USH1G: variants seen among roughly 807,000 people sequenced by gnomAD.
The protein encoded by USH1G is pre-mRNA splicing regulator USH1G.
In USH1G, 27 loss-of-function variants were observed where a neutral mutation model predicts 31.9. The observed-to-expected ratio is 0.85, with a 90% CI of 0.62 to 1.17. USH1G has a LOEUF of 1.17. USH1G is among the 50% of genes most tolerant of loss of function. The probability of loss-of-function intolerance (pLI) is 0.00; values close to 1 mark genes in which losing one functional copy is unlikely to be tolerated. For synonymous variants in USH1G, 266 were observed against 283.2 expected (o/e 0.94, Z 0.61); for missense variants, 674 against 638.9 (o/e 1.05, Z -0.59).
At position 74,923,246 on chromosome 17, in the gene USH1G, C is replaced by A. The variant is rs570755897; in HGVS notation, c.-173G>T. The A allele has an allele frequency of 7.0e-6, 2 of 285,230 alleles. No individual in the cohort carries two copies. Among genetic ancestry groups the A allele is most frequent in the Non-Finnish European group, 1.2e-5 (2 of 165,498 alleles). The allele number at this position is 285,230 out of a possible 1,614,324, so 17.7% of individuals were successfully genotyped here. ...TGCGGAGCGCCAGAGCCGCGACTAC[C>A]AAGACATCTGAAACGCTCACCCGGG... On this transcript the variant is annotated 5_prime_UTR_variant, in exon 1 of 3. Coordinates refer to ENST00000614341, the MANE Select transcript of USH1G (RefSeq NM_173477.5). The surrounding 1 kb of genome is among the most constrained non-coding windows in gnomAD (Gnocchi z 5.3).
chr17:74,920,687 T>C lies in USH1G; in HGVS notation c.165-16A>G. ...CGGGTCACCCCTGCAGGGAAAGCAT[T>C]CAGGAGGGACGAGTGACGAGTCCTG... On this transcript the variant is annotated splice_polypyrimidine_tract_variant and intron_variant, in intron 1 of 2. Coordinates refer to ENST00000614341, the MANE Select transcript of USH1G (RefSeq NM_173477.5). This position sits in a 1 kb window ranked among gnomAD's most constrained non-coding sequence, Gnocchi z 5.2. 1 of 1,613,058 alleles carries C rather than the reference T, an allele frequency of 6.2e-7. No individual in the cohort carries two copies. Among genetic ancestry groups the C allele is most frequent in the South Asian group, 1.1e-5 (1 of 91,076 alleles).
rs1225606285 is a variant in USH1G at position 74,916,379 on chromosome 17, A to C, written c.*1694T>G. The C allele has an allele frequency of 6.6e-6, 1 of 152,336 alleles. No individual in the cohort carries two copies. Among genetic ancestry groups the C allele is most frequent in the African/African-American group, 2.4e-5 (1 of 41,428 alleles). 9.4% of individuals were successfully genotyped at this position (152,336 alleles called of 1,614,324 possible). A position where few individuals can be genotyped will look rare whatever the true frequency, so the allele number is the denominator to read the frequency against. The stretch of plus-strand genomic sequence containing the variant: ...CAAGCCCTCAGTGTCCTGCAGTAGG[A>C]CAGGGACCATCTCCTCCATGCCCCC... On this transcript the variant is annotated 3_prime_UTR_variant, in exon 3 of 3. Transcript: ENST00000614341.
Position 74,919,254 on chromosome 17 carries a change from T to A in USH1G, c.1382+200A>T, listed in dbSNP as rs114183846. ...TTCACTGTGATAAGAATGCCTCGGGTCATCATTAAATTGGCCACTTCTTTT... is the reference window on the plus strand; with the variant it reads ...TTCACTGTGATAAGAATGCCTCGGGACATCATTAAATTGGCCACTTCTTTT... On this transcript the variant is annotated intron_variant, in intron 2 of 2. Coordinates refer to ENST00000614341, the MANE Select transcript of USH1G (RefSeq NM_173477.5). This position sits in a 1 kb window ranked among gnomAD's most constrained non-coding sequence, Gnocchi z 4.5. Among the ~76,000 whole-genome samples, 1,050 of 152,294 alleles carry A rather than the reference T, an allele frequency of 6.9e-3. 8 individuals are homozygous for A. Among genetic ancestry groups the A allele is most frequent in the African/African-American group, 0.024 (982 of 41,548 alleles).
rs2038892988 is a variant in USH1G, at chr17:74,918,566, C to T, written c.1383-490G>A. ...GCGCGGTGGCTCACGCCTGTAATCC[C>T]AGCACTTTGGGAGGCCAGAGTGGGC... On this transcript the variant is annotated intron_variant, in intron 2 of 2. Coordinates refer to ENST00000614341, the MANE Select transcript of USH1G (RefSeq NM_173477.5). This position sits in a 1 kb window ranked among gnomAD's most constrained non-coding sequence, Gnocchi z 4.1. Among the ~76,000 whole-genome samples the T allele has an allele frequency of 6.6e-6, 1 of 152,160 alleles. No homozygotes were observed. The highest frequency in any genetic ancestry group is 1.5e-5 in the Non-Finnish European group (1 of 68,036).
chr17:74,920,444 AGCTTGGGGTTGAG>A lies in USH1G; in HGVS notation c.379_391del (p.Leu127TrpfsTer5). 1.2e-6 allele frequency: 2 copies of A among 1,613,680 alleles called. No individual in the cohort carries two copies. The highest frequency in any genetic ancestry group is 8.5e-7 in the Non-Finnish European group (1 of 1,180,022). On this transcript the variant is annotated frameshift_variant, in exon 2 of 3. Transcript: ENST00000614341. LOFTEE classifies it high-confidence loss of function. The surrounding 1 kb of genome is among the most constrained non-coding windows in gnomAD (Gnocchi z 5.2). ...GGCCTTGTCCTTCAGCTTACCCACC[AGCTTGGGGTTGAG>A]GCTGCTCTGCTTGGCCGCGATGGAG...
At chr17:74,922,878 G>T in intron 1 of USH1G, 32 bp downstream of exon 1, 1 of 1,535,542 alleles carries the variant, frequency 6.5e-7, no homozygotes, top group South Asian at 1.2e-5. Flanking sequence ...TGGTCTCAGG[G>T]GCCTCAAGGG....
In USH1G at chr17:74,922,818, T is replaced by TG. The variant is rs2038961070; in HGVS notation, c.164+91dup. On this transcript the variant is annotated intron_variant, in intron 1 of 2. Transcript: ENST00000614341. The stretch of plus-strand genomic sequence containing the variant: ...GCCAGGGTCTAAGGGTCCGCCTGTC[T>TG]GCAGGGGAAGGAGGCAGCTCAGAGG... 2.1e-6 allele frequency: 3 copies of TG among 1,430,242 alleles called. No individual in the cohort carries two copies. The African/African-American group carries it at 4.3e-5, about 20-fold the overall frequency. 88.6% of individuals were successfully genotyped at this position (1,430,242 alleles called of 1,614,324 possible).
chr17:74,918,150 C>G lies in USH1G; in HGVS notation c.1383-74G>C. 1 of 1,597,966 alleles carries G rather than the reference C, an allele frequency of 6.3e-7. No homozygotes were observed. Among genetic ancestry groups the G allele is most frequent in the South Asian group, 1.1e-5 (1 of 89,188 alleles). On this transcript the variant is annotated intron_variant, in intron 2 of 2. Coordinates refer to ENST00000614341, the MANE Select transcript of USH1G (RefSeq NM_173477.5). This position sits in a 1 kb window ranked among gnomAD's most constrained non-coding sequence, Gnocchi z 4.1. ...GAGGCATCATTTTCACCCAGGGCAG[C>G]CATCTGGACAACTTAGCCTCCCCAT...
Position 74,920,096 on chromosome 17 carries a change from A to C in USH1G, c.740T>G (p.Leu247Arg). ...GAACATCACGTCGCTGCCCAGCTGC[A>C]GGCCCGAGAGCGAGCGGGCGCTCTT... ...GRKSARSLSG[L>R]QLGSDVMFVR... Residue 247 changes from leucine (L) to arginine (R), a missense_variant, in exon 2 of 3, where the codon CTG becomes CGG. Transcript: ENST00000614341. The surrounding 1 kb of genome is among the most constrained non-coding windows in gnomAD (Gnocchi z 5.2). The C allele has an allele frequency of 6.2e-7, 1 of 1,604,284 alleles. No individual in the cohort carries two copies. The highest frequency in any genetic ancestry group is 1.1e-5 in the South Asian group (1 of 91,038).
chr17:74,920,463 T>A lies in USH1G; in HGVS notation c.373A>T (p.Ser125Cys). The A allele has an allele frequency of 6.2e-7, 1 of 1,613,742 alleles. No homozygotes were observed. Among genetic ancestry groups the A allele is most frequent in the Non-Finnish European group, 8.5e-7 (1 of 1,180,030 alleles). ...RYLDSIAAKQ[S>C]SLNPKLVGKL... ...CCCACCAGCTTGGGGTTGAGGCTGC[T>A]CTGCTTGGCCGCGATGGAGTCCAGG... Residue 125 changes from serine (S) to cysteine (C), a missense_variant, in exon 2 of 3, where the codon AGC becomes TGC. Transcript: ENST00000614341. The surrounding 1 kb of genome is among the most constrained non-coding windows in gnomAD (Gnocchi z 5.2).
intron 1 of USH1G, among the ~76,000 whole-genome samples, chr17:74,922,556 G>A (rs2038956478): frequency 6.6e-6 from 1 of 151,990 alleles, no homozygotes. Context: ...CCCACTGCTG[G>A]CCCCTCGAGA....
At position 74,917,935 on chromosome 17, in the gene USH1G, C is replaced by T. The variant is rs1005613359; in HGVS notation, c.*138G>A. ...CCCTCAGCTTCAAGGTGCAGACAGA[C>T]TTTCAAAGGAGTCGCCCCAACTGGT... On this transcript the variant is annotated 3_prime_UTR_variant, in exon 3 of 3. Coordinates refer to ENST00000614341, the MANE Select transcript of USH1G (RefSeq NM_173477.5). The T allele has an allele frequency of 1.1e-5, 12 of 1,132,082 alleles. No homozygotes were observed. The highest frequency in any genetic ancestry group is 1.6e-5 in the Non-Finnish European group (12 of 762,734). 70.1% of individuals were successfully genotyped at this position (1,132,082 alleles called of 1,614,324 possible). A position where few individuals can be genotyped will look rare whatever the true frequency, so the allele number is the denominator to read the frequency against.
At position 74,923,240 on chromosome 17, in the gene USH1G, G is replaced by A; in HGVS notation, c.-167C>T. The A allele has an allele frequency of 5.6e-6, 1 of 178,258 alleles. No individual in the cohort carries two copies. The highest frequency in any genetic ancestry group is 9.9e-6 in the Non-Finnish European group (1 of 101,096). The allele number at this position is 178,258 out of a possible 1,614,324, so 11.0% of individuals were successfully genotyped here. A position where few individuals can be genotyped will look rare whatever the true frequency, so the allele number is the denominator to read the frequency against. ...GGAGGGTGCGGAGCGCCAGAGCCGC[G>A]ACTACCAAGACATCTGAAACGCTCA... On this transcript the variant is annotated 5_prime_UTR_variant, in exon 1 of 3. Transcript: ENST00000614341. This position sits in a 1 kb window ranked among gnomAD's most constrained non-coding sequence, Gnocchi z 5.3.
chr17:74,917,965 G>A lies in USH1G; in HGVS notation c.*108C>T. 2 of 1,464,210 alleles carry A rather than the reference G, an allele frequency of 1.4e-6. No homozygotes were observed. The highest frequency in any genetic ancestry group is 1.4e-5 in the African/African-American group (1 of 71,772). The allele number at this position is 1,464,210 out of a possible 1,614,324, so 90.7% of individuals were successfully genotyped here. A position where few individuals can be genotyped will look rare whatever the true frequency, so the allele number is the denominator to read the frequency against. On this transcript the variant is annotated 3_prime_UTR_variant, in exon 3 of 3. Coordinates refer to ENST00000614341, the MANE Select transcript of USH1G (RefSeq NM_173477.5). Reference sequence around the variant, plus strand: ...AAAGGAGTCGCCCCAACTGGTCCTTGCTCCTGGGGAAGGGGGCTGCAGGGC... The same window carrying A: ...AAAGGAGTCGCCCCAACTGGTCCTTACTCCTGGGGAAGGGGGCTGCAGGGC...
rs145278694 is a variant in USH1G, at chr17:74,919,325, G to A, written c.1382+129C>T. ...AATAAGGGTGCCTTTTATCATCGAT[G>A]GCCTCATTTCGATTTTATGAAATAC... is the stretch of plus-strand genomic sequence containing the variant. On this transcript the variant is annotated intron_variant, in intron 2 of 2. Coordinates refer to ENST00000614341, the MANE Select transcript of USH1G (RefSeq NM_173477.5). The surrounding 1 kb of genome is among the most constrained non-coding windows in gnomAD (Gnocchi z 4.5). The A allele has an allele frequency of 5.4e-4, 744 of 1,376,464 alleles. 5 individuals carry two copies. In the African/African-American group the frequency reaches 9.7e-3, roughly 18 times the overall value. 85.3% of individuals were successfully genotyped at this position (1,376,464 alleles called of 1,614,324 possible).
chr17:74,920,753 C>T lies in USH1G; in HGVS notation c.165-82G>A. ...GGAGGGAGTGGAGGGGGGAGGGGAG[C>T]TTCCCCACTGTCACAGCAACCCCCA... On this transcript the variant is annotated intron_variant, in intron 1 of 2. Coordinates refer to ENST00000614341, the MANE Select transcript of USH1G (RefSeq NM_173477.5). This position sits in a 1 kb window ranked among gnomAD's most constrained non-coding sequence, Gnocchi z 5.2. The T allele has an allele frequency of 6.4e-7, 1 of 1,568,202 alleles. No homozygotes were observed. The highest frequency in any genetic ancestry group is 8.7e-7 in the Non-Finnish European group (1 of 1,153,248).
rs760465755 is a variant in USH1G, at chr17:74,920,493, G to A, written c.343C>T (p.Arg115Cys). The A allele has an allele frequency of 1.9e-6, 3 of 1,613,794 alleles. No individual in the cohort carries two copies. Among genetic ancestry groups the A allele is most frequent in the South Asian group, 1.1e-5 (1 of 91,092 alleles). The change falls in exon 2 of 3, where the codon CGC becomes TGC. Residue 115 changes from arginine (R) to cysteine (C), a missense_variant. By Grantham distance (180) the Arg-to-Cys change is radical. Transcript: ENST00000614341. This position sits in a 1 kb window ranked among gnomAD's most constrained non-coding sequence, Gnocchi z 5.2. ...TTGGCCGCGATGGAGTCCAGGTAGC[G>A]CACGCATTCCATGTGGCCCTTCATG... ...AAMKGHMECV[R>C]YLDSIAAKQS...
At position 74,920,653 on chromosome 17, in the gene USH1G, A is replaced by C; in HGVS notation, c.183T>G (p.Cys61Trp). 6.2e-7 allele frequency: 1 copy of C among 1,613,590 alleles called. No homozygotes were observed. Among genetic ancestry groups the C allele is most frequent in the East Asian group, 2.2e-5 (1 of 44,870 alleles). ...GCAGGGGTGTGTTGCCCCAGATGTC[A>C]CACTTGTCCGGGTCACCCCTGCAGG... Reference protein sequence around the residue: ...IVSRGGDPDKCDIWGNTPLHL... With the variant: ...IVSRGGDPDKWDIWGNTPLHL... Residue 61 changes from cysteine to tryptophan, a missense_variant, in exon 2 of 3, where the codon TGT becomes TGG. Cys to Trp is a radical substitution (Grantham distance 215). Coordinates refer to ENST00000614341, the MANE Select transcript of USH1G (RefSeq NM_173477.5). This position sits in a 1 kb window ranked among gnomAD's most constrained non-coding sequence, Gnocchi z 5.2.
Position 74,919,867 on chromosome 17 carries a change from G to A in USH1G, c.969C>T (p.Ser323=). The change falls in exon 2 of 3, where the codon AGC becomes AGT. Residue 323 remains serine (S), a synonymous_variant. Coordinates refer to ENST00000614341, the MANE Select transcript of USH1G (RefSeq NM_173477.5). The surrounding 1 kb of genome is among the most constrained non-coding windows in gnomAD (Gnocchi z 4.5). ...CGCGGCCCAGTCCGTGCAGCCCACT[G>A]CTCAAGTAATTTCTGCGGAACACCA... ...GTMVFRRNYL[S]SGLHGLGRED... is the part of the protein sequence containing the mutation. 6.2e-7 allele frequency: 1 copy of A among 1,613,174 alleles called. No individual in the cohort carries two copies. The highest frequency in any genetic ancestry group is 8.5e-7 in the Non-Finnish European group (1 of 1,179,952).
Sources: allele counts gnomAD v4.1 joint callset (sites outside exome capture counted in the v4.1 genomes callset), GRCh38; gene constraint gnomAD v4.1.1; non-coding constraint Gnocchi (gnomAD v3.1); transcripts MANE v1.5; gene names NCBI Gene and HGNC (gene_info 2026-07-23, HGNC 2026-07-21).